Variants in MAPKAP1 observed in about 807,000 individuals in gnomAD.
The protein encoded by MAPKAP1 is MAPK associated protein 1, also known as target of rapamycin complex 2 subunit MAPKAP1.
MAPKAP1 carries 20 observed loss-of-function variants against 65.7 expected under a neutral mutation model. The ratio of observed to expected loss-of-function variants is 0.30; its 90% CI spans 0.21 to 0.44. The LOEUF (loss-of-function observed/expected upper bound fraction) is 0.44. Ranked by LOEUF, MAPKAP1 falls within the 20% of genes least tolerant of loss-of-function variation. MAPKAP1 has a pLI of 1.00. For missense variants in MAPKAP1, 423 were observed against 648.0 expected (o/e 0.65, Z 3.77); for synonymous variants, 222 against 244.3 (o/e 0.91, Z 0.85).
chr9:125,459,900 T>C (rs1291963901), intron 10 of MAPKAP1, among the ~76,000 whole-genome samples: 1 of 138,432 alleles, frequency 7.2e-6, no homozygotes, highest in African/African-American at 3.0e-5. Flanking sequence ...TTATAAGCAA[T>C]ACACACTTTG....
chr9:125,661,297 C>T (rs1834177755), intron 3 of MAPKAP1, among the ~76,000 whole-genome samples: 1 of 152,162 alleles, frequency 6.6e-6, no homozygotes, highest in Non-Finnish European at 1.5e-5. Context: ...ATCACATCTT[C>T]ATTTACCCTC....
At chr9:125,505,991 A>G (rs1829128505) in intron 8 of MAPKAP1, 1 of 356,658 alleles carries the variant, frequency 2.8e-6, no homozygotes, top group Non-Finnish European at 5.3e-6. Flanking sequence ...CAGCTGCTTT[A>G]TATACAAAAT....
intron 8 of MAPKAP1, among the ~76,000 whole-genome samples, chr9:125,503,868 C>A (rs985168235): frequency 7.1e-6 from 1 of 140,744 alleles, no homozygotes; most frequent in African/African-American, 2.8e-5. Context: ...AGGCACCCGC[C>A]ACCACGCTTG....
At chr9:125,448,635 G>A (rs978893726) in intron 10 of MAPKAP1, among the ~76,000 whole-genome samples, 1 of 152,134 alleles carries the variant, frequency 6.6e-6, no homozygotes, top group African/African-American at 2.4e-5. Flanking sequence ...GACCACCAGC[G>A]GTTTTCATAG....
intron 7 of MAPKAP1, chr9:125,521,371 A>AT: frequency 4.3e-6 from 3 of 697,702 alleles, no homozygotes; most frequent in Non-Finnish European, 5.4e-6. Flanking sequence ...TAAGAATCCA[A>AT]TTTTTCAATC....
At chr9:125,553,536 C>G (rs1002167957) in intron 6 of MAPKAP1, among the ~76,000 whole-genome samples, 1 of 149,940 alleles carries the variant, frequency 6.7e-6, no homozygotes, top group African/African-American at 2.5e-5. Context: ...GAGTGAAACT[C>G]TACCCAAAAA....
chr9:125,506,859 T>G (rs1829157051), intron 7 of MAPKAP1, among the ~76,000 whole-genome samples: 1 of 152,238 alleles, frequency 6.6e-6, no homozygotes, highest in African/African-American at 2.4e-5. Flanking sequence ...TATTAATAAT[T>G]ATGTAACAAT....
chr9:125,595,384 A>T lies in MAPKAP1; in HGVS notation c.499-9657T>A. On this transcript the variant is annotated intron_variant, in intron 4 of 11. Transcript: ENST00000265960. The surrounding 1 kb of genome is among the most constrained non-coding windows in gnomAD (Gnocchi z 4.0). Reference sequence around the variant, plus strand: ...AGAATGTGAACAGATATAGAATTGAAATGTATGTATTTGAACATGCTGATG... The same window carrying T: ...AGAATGTGAACAGATATAGAATTGATATGTATGTATTTGAACATGCTGATG... The T allele has an allele frequency of 3.7e-6, 1 of 273,814 alleles. No homozygotes were observed. The highest frequency in any genetic ancestry group is 5.7e-6 in the Non-Finnish European group (1 of 174,244). 17.0% of individuals were successfully genotyped at this position (273,814 alleles called of 1,614,324 possible).
chr9:125,578,598 G>T (rs1454472095), intron 5 of MAPKAP1, among the ~76,000 whole-genome samples: 1 of 152,154 alleles, frequency 6.6e-6, no homozygotes, highest in Non-Finnish European at 1.5e-5. Context: ...GGGAAAAAAA[G>T]CTCAGATTGC....
At chr9:125,452,559 AC>A (rs1316134092) in intron 10 of MAPKAP1, among the ~76,000 whole-genome samples, 1 of 152,090 alleles carries the variant, frequency 6.6e-6, no homozygotes, top group African/African-American at 2.4e-5. Context: ...AGCCCTTAAT[AC>A]TCTTAAACAC....
Position 125,698,577 on chromosome 9 carries a change from G to C in MAPKAP1, c.-70+8394C>G, listed in dbSNP as rs562966955. On this transcript the variant is annotated intron_variant, in intron 1 of 11. Coordinates refer to ENST00000265960, the MANE Select transcript of MAPKAP1 (RefSeq NM_001006617.3). ...GGCTGGTCTCGAACTCCTGACCTCA[G>C]GTGATCCACCTGCCTCAGCCTCCCA... Among the ~76,000 whole-genome samples the C allele has an allele frequency of 2.0e-5, 3 of 151,608 alleles. No homozygotes were observed. The South Asian group carries it at 6.3e-4, about 32-fold the overall frequency.
chr9:125,696,412 GAAAAAAAAACA>G lies in MAPKAP1; in HGVS notation c.-70+10548_-70+10558del, dbSNP rs747533385. ...GTCAATAGAGCAAGAACCCTGTCTC[GAAAAAAAAACA>G]AAAAAAAAACAAAAAACAAACAAAC... is the stretch of plus-strand genomic sequence containing the variant. On this transcript the variant is annotated intron_variant, in intron 1 of 11. Coordinates refer to ENST00000265960, the MANE Select transcript of MAPKAP1 (RefSeq NM_001006617.3). 26 of 104,188 alleles carry G rather than the reference GAAAAAAAAACA, an allele frequency of 2.5e-4. 1 individual carries two copies. Among genetic ancestry groups the G allele is most frequent in the East Asian group, 1.1e-3 (4 of 3,694 alleles). The allele number at this position is 104,188 out of a possible 1,614,324, so 6.5% of individuals were successfully genotyped here. A position where few individuals can be genotyped will look rare whatever the true frequency, so the allele number is the denominator to read the frequency against.
intron 11 of MAPKAP1, 39 bp downstream of exon 11, chr9:125,444,462 C>T: frequency 6.1e-6 from 9 of 1,485,994 alleles, no homozygotes; most frequent in Non-Finnish European, 8.4e-6. Context: ...AGAAGCTGGA[C>T]CCACCTACCC....
Position 125,576,385 on chromosome 9 carries a change from G to A in MAPKAP1, c.671+9170C>T, listed in dbSNP as rs540883762. Among the ~76,000 whole-genome samples the A allele has an allele frequency of 3.3e-5, 5 of 152,296 alleles. No homozygotes were observed. The South Asian group carries it at 1.0e-3, about 32-fold the overall frequency. ...AATGAGGGATTGGAAGGATATGTAT[G>A]GGAACTCACTGTATTTTCTGTGCAA... On this transcript the variant is annotated intron_variant, in intron 5 of 11. Coordinates refer to ENST00000265960, the MANE Select transcript of MAPKAP1 (RefSeq NM_001006617.3).
chr9:125,588,420 T>G (rs1831855327), intron 4 of MAPKAP1, among the ~76,000 whole-genome samples: 1 of 152,200 alleles, frequency 6.6e-6, no homozygotes, highest in South Asian at 2.1e-4. Flanking sequence ...TTGGGAGGTA[T>G]GAGGTTTCTT....
At position 125,569,088 on chromosome 9, in the gene MAPKAP1, A is replaced by G. The variant is rs117946599; in HGVS notation, c.672-9279T>C. ...AACACCTGTAAGCCCACTTTTCCAG[A>G]CAAGCCAGCAAGTTGGTCAGTAACA... On this transcript the variant is annotated intron_variant, in intron 5 of 11. Coordinates refer to ENST00000265960, the MANE Select transcript of MAPKAP1 (RefSeq NM_001006617.3). Among the ~76,000 whole-genome samples the G allele has an allele frequency of 2.3e-4, 35 of 152,314 alleles. 1 individual carries two copies. The East Asian group carries it at 6.8e-3, about 29-fold the overall frequency.
intron 1 of MAPKAP1, among the ~76,000 whole-genome samples, chr9:125,698,300 T>TATA (rs1564622416): frequency 2.5e-4 from 4 of 16,152 alleles, no homozygotes; most frequent in African/African-American, 9.4e-4. Context: ...TATATATATA[T>TATA]ATATATATAT....
At chr9:125,542,922 G>A in intron 7 of MAPKAP1, 137 bp downstream of exon 7, 1 of 780,796 alleles carries the variant, frequency 1.3e-6, no homozygotes, top group Non-Finnish European at 2.4e-6. Context: ...ACCTTTTCTT[G>A]CATAGATCAG....
chr9:125,453,531 GTTC>G (rs1853043932), intron 10 of MAPKAP1, among the ~76,000 whole-genome samples: 1 of 152,242 alleles, frequency 6.6e-6, no homozygotes, highest in South Asian at 2.1e-4. Flanking sequence ...ATATTTTAAT[GTTC>G]TTCTTTGTAA....
Sources: allele counts gnomAD v4.1 joint callset (sites outside exome capture counted in the v4.1 genomes callset), GRCh38; gene constraint gnomAD v4.1.1; non-coding constraint Gnocchi (gnomAD v3.1); transcripts MANE v1.5; gene names NCBI Gene and HGNC (gene_info 2026-07-23, HGNC 2026-07-21).